Variants in LMCD1 observed in about 807,000 individuals in gnomAD.
LMCD1 encodes the protein LIM and cysteine-rich domains protein 1.
LMCD1 carries 32 observed loss-of-function variants against 42.7 expected under a neutral mutation model. The observed-to-expected ratio is 0.75, with a 90% CI of 0.57 to 1.01. The LOEUF (loss-of-function observed/expected upper bound fraction) is 1.01, where lower values mean the gene tolerates loss of function less well. Among genes scored for constraint, LMCD1 ranks in the 50% least tolerant of loss-of-function variants. The pLI, the probability that LMCD1 is intolerant of heterozygous loss-of-function variation, is 0.00. For synonymous variants in LMCD1, 178 were observed against 184.9 expected (o/e 0.96, Z 0.30); for missense variants, 458 against 483.1 (o/e 0.95, Z 0.49).
chr3:8,502,362 T>TTATATAAAATATAGAATATATATTA, intron 1 of LMCD1, among the ~76,000 whole-genome samples: 1 of 70,052 alleles, frequency 1.4e-5, no homozygotes, highest in African/African-American at 6.8e-5. Context: ...ATAATATATA[T>TTATATAAAATATAGAATATATATTA]TATATAAAAT....
chr3:8,565,621 C>T lies in LMCD1; in HGVS notation c.913C>T (p.Arg305Trp), dbSNP rs8363. 0.021 allele frequency: 33,324 copies of T among 1,608,400 alleles called. 434 individuals are homozygous for T. Among genetic ancestry groups the T allele is most frequent in the Non-Finnish European group, 0.024 (28,499 of 1,177,640 alleles). ...WCGRHYCESL[R>W]PRCSGCDEII... Reference sequence around the variant, plus strand: ...CGGCCGCCATTACTGCGAGAGTCTGCGGCCCCGGTGCTCCGGCTGCGATGA... The same window carrying T: ...CGGCCGCCATTACTGCGAGAGTCTGTGGCCCCGGTGCTCCGGCTGCGATGA... The change falls in exon 5 of 6, where the codon CGG becomes TGG. Residue 305 changes from arginine to tryptophan, a missense_variant. Arg to Trp is a moderately radical substitution (Grantham distance 101). Coordinates refer to ENST00000157600, the MANE Select transcript of LMCD1 (RefSeq NM_014583.4).
In LMCD1 at chr3:8,553,900, A is replaced by T. The variant is rs1417208911; in HGVS notation, c.723+4997A>T. On this transcript the variant is annotated intron_variant, in intron 4 of 5. Transcript: ENST00000157600. ...CCTTTTCCATCAGTGAGGCCAATAC[A>T]ATTCAAAAATATTTAGTCTCCCTCT... 2.0e-5 allele frequency among the ~76,000 whole-genome samples: 3 copies of T among 152,188 alleles called. No individual in the cohort carries two copies. In the East Asian group the frequency reaches 5.8e-4, roughly 29 times the overall value.
chr3:8,540,241 G>T (rs1694598543), intron 3 of LMCD1, among the ~76,000 whole-genome samples: 1 of 152,090 alleles, frequency 6.6e-6, no homozygotes, highest in Non-Finnish European at 1.5e-5. Context: ...ACCGAATTTT[G>T]CTATCTCTCA....
intron 4 of LMCD1, among the ~76,000 whole-genome samples, chr3:8,549,447 A>G (rs898854135): frequency 1.3e-5 from 2 of 152,132 alleles, no homozygotes; most frequent in Non-Finnish European, 2.9e-5. Context: ...CATTCCATCC[A>G]TCCATTCATC....
intron 3 of LMCD1, among the ~76,000 whole-genome samples, chr3:8,543,559 T>C (rs2125028988): frequency 6.6e-6 from 1 of 152,328 alleles, no homozygotes; most frequent in East Asian, 1.9e-4. Flanking sequence ...CACAGCTCAC[T>C]ATAACCTTAA....
At chr3:8,550,131 A>G in intron 4 of LMCD1, 2 of 1,376,330 alleles carry the variant, frequency 1.5e-6, no homozygotes, top group South Asian at 3.1e-5. Context: ...GAGAAGCCAG[A>G]GTTGGGGAGA....
At chr3:8,526,654 G>A (rs1195601307) in intron 1 of LMCD1, among the ~76,000 whole-genome samples, 1 of 152,198 alleles carries the variant, frequency 6.6e-6, no homozygotes, top group Non-Finnish European at 1.5e-5. Context: ...TCTGGGGTGA[G>A]GCTTGAGAAT....
chr3:8,563,607 G>A (rs944301457), intron 4 of LMCD1, among the ~76,000 whole-genome samples: 1 of 152,172 alleles, frequency 6.6e-6, no homozygotes, highest in African/African-American at 2.4e-5. Flanking sequence ...TCCTTTTGGG[G>A]GATCTGCCAA....
Position 8,501,967 on chromosome 3 carries a change from C to T in LMCD1, c.29C>T (p.Pro10Leu). 2 of 1,592,802 alleles carry T rather than the reference C, an allele frequency of 1.3e-6. No homozygotes were observed. The highest frequency in any genetic ancestry group is 1.1e-5 in the South Asian group (1 of 88,254). MAKVAKDLN[P>L]GVKKMSLGQL... ...GCAAAGGTGGCTAAGGACCTCAACC[C>T]AGGAGTTAAAAAGGTGAGTGGAAAG... Residue 10 changes from proline to leucine, a missense_variant, in exon 1 of 6, where the codon CCA (proline) becomes CTA (leucine). By Grantham distance (98) the Pro-to-Leu change is moderately conservative. Coordinates refer to ENST00000157600, the MANE Select transcript of LMCD1 (RefSeq NM_014583.4).
intron 5 of LMCD1, among the ~76,000 whole-genome samples, chr3:8,567,198 T>C (rs1695144318): frequency 6.6e-6 from 1 of 152,142 alleles, no homozygotes; most frequent in Admixed American, 6.5e-5. Flanking sequence ...CCTAGATAAG[T>C]AAAACCTGCC....
chr3:8,555,624 C>CT (rs112835144), intron 4 of LMCD1, among the ~76,000 whole-genome samples: 19 of 146,006 alleles, frequency 1.3e-4, no homozygotes, highest in Non-Finnish European at 2.0e-4. Context: ...TCAGGGAGAT[C>CT]TTTTTTTTTG....
intron 1 of LMCD1, among the ~76,000 whole-genome samples, chr3:8,508,758 C>T (rs1288609322): frequency 1.3e-5 from 2 of 152,216 alleles, no homozygotes; most frequent in African/African-American, 4.8e-5. Context: ...CATTGACTCA[C>T]AGCATCTTTT....
chr3:8,510,787 T>C (rs1693981141), intron 1 of LMCD1, among the ~76,000 whole-genome samples: 1 of 152,250 alleles, frequency 6.6e-6, no homozygotes, highest in South Asian at 2.1e-4. Flanking sequence ...ATTGATACTA[T>C]CTCAGTAATA....
rs200525976 is a variant in LMCD1, at chr3:8,537,406, A to G, written c.353A>G (p.Tyr118Cys). Residue 118 changes from tyrosine to cysteine, a missense_variant, in exon 3 of 6, where the codon TAC (tyrosine) becomes TGC (cysteine). Transcript: ENST00000157600. ...GKDPTFDTIT[Y>C]EWAPPGVTQK... ...GATCCCACTTTTGACACCATCACCT[A>G]CGAGTGGGCTCCCCCTGGAGTCACC... is the stretch of plus-strand genomic sequence containing the variant. 1.9e-6 allele frequency: 3 copies of G among 1,607,018 alleles called. No homozygotes were observed. In the East Asian group the frequency reaches 6.7e-5, roughly 36 times the overall value.
chr3:8,551,289 T>G (rs757412334), intron 4 of LMCD1: 8 of 985,446 alleles, frequency 8.1e-6, no homozygotes, highest in Non-Finnish European at 9.6e-6. Context: ...AGTTTGAACT[T>G]AAGCCTTAAA....
intron 3 of LMCD1, 44 bp downstream of exon 3, chr3:8,537,484 T>C (rs368999182): frequency 4.6e-5 from 70 of 1,511,654 alleles, no homozygotes; most frequent in Non-Finnish European, 5.9e-5. Flanking sequence ...CCTATCCTCA[T>C]AAATACTAGC....
At chr3:8,558,734 G>A (rs1694972865) in intron 4 of LMCD1, among the ~76,000 whole-genome samples, 1 of 152,210 alleles carries the variant, frequency 6.6e-6, no homozygotes, top group South Asian at 2.1e-4. Flanking sequence ...ATAGTGTTGA[G>A]TTTAAACATC....
Position 8,567,849 on chromosome 3 carries a change from T to C in LMCD1, c.*251T>C, listed in dbSNP as rs1695154625. 3.5e-6 allele frequency: 1 copy of C among 286,120 alleles called. No homozygotes were observed. The highest frequency in any genetic ancestry group is 6.4e-6 in the Non-Finnish European group (1 of 156,312). The allele number at this position is 286,120 out of a possible 1,614,324, so 17.7% of individuals were successfully genotyped here. Reference sequence around the variant, plus strand: ...AGTCTTAGGATGGAGTTCCTTTTCTTTCTGTTGTTGTTTCCCAGCTACAAC... The same window carrying C: ...AGTCTTAGGATGGAGTTCCTTTTCTCTCTGTTGTTGTTTCCCAGCTACAAC... On this transcript the variant is annotated 3_prime_UTR_variant, in exon 6 of 6. Transcript: ENST00000157600.
chr3:8,532,376 T>C (rs939833552), intron 1 of LMCD1, among the ~76,000 whole-genome samples: 5 of 152,130 alleles, frequency 3.3e-5, no homozygotes, highest in African/African-American at 4.8e-5. Context: ...GAAGATTCCA[T>C]TCCAGTGACA....
Sources: allele counts gnomAD v4.1 joint callset (sites outside exome capture counted in the v4.1 genomes callset), GRCh38; gene constraint gnomAD v4.1.1; transcripts MANE v1.5; gene names NCBI Gene and HGNC (gene_info 2026-07-23, HGNC 2026-07-21).